The following SORCS3 variants were observed in gnomAD, a reference collection of about 807,000 sequenced individuals.
The protein encoded by SORCS3 is sortilin related VPS10 domain containing receptor 3.
In SORCS3, 57 loss-of-function variants were observed where a neutral mutation model predicts 146.3. The observed-to-expected ratio is 0.39, with a 90% CI of 0.31 to 0.49. SORCS3 has a LOEUF of 0.49. Among genes scored for constraint, SORCS3 ranks in the 20% least tolerant of loss-of-function variants. The pLI is 0.92. For missense variants in SORCS3, 1,341 were observed against 1,575.5 expected, an observed-to-expected ratio of 0.85 and a Z score of 2.52; for synonymous variants, 653 against 618.5, an observed-to-expected ratio of 1.06 and a Z score of -0.83.
At chr10:104,883,646 G>A (rs1321973809) in intron 2 of SORCS3, among the ~76,000 whole-genome samples, 1 of 152,102 alleles carries the variant, frequency 6.6e-6, no homozygotes, top group East Asian at 1.9e-4. Flanking sequence ...GTATCTATGA[G>A]GAATATCTTA....
chr10:104,734,580 C>T (rs2016746961), intron 1 of SORCS3, among the ~76,000 whole-genome samples: 1 of 152,214 alleles, frequency 6.6e-6, no homozygotes, highest in Non-Finnish European at 1.5e-5. Context: ...TATTGTTACT[C>T]AGGCTGTGGG....
chr10:105,135,677 T>C (rs183372802), intron 7 of SORCS3, among the ~76,000 whole-genome samples: 1 of 152,322 alleles, frequency 6.6e-6, no homozygotes, highest in Admixed American at 6.5e-5. Context: ...ACATTTGCAT[T>C]GATAGTTCTT....
At chr10:105,107,405 T>C (rs892684532) in intron 7 of SORCS3, among the ~76,000 whole-genome samples, 1 of 152,024 alleles carries the variant, frequency 6.6e-6, no homozygotes, top group African/African-American at 2.4e-5. Context: ...TATGCTAGAA[T>C]TGTTTCTCGG....
chr10:105,194,968 C>T (rs775177660), intron 14 of SORCS3, among the ~76,000 whole-genome samples: 2 of 152,144 alleles, frequency 1.3e-5, no homozygotes, highest in Non-Finnish European at 2.9e-5. Flanking sequence ...CATTGGAGAA[C>T]CTCTGGTCTA....
At chr10:104,768,986 C>G (rs1330552678) in intron 1 of SORCS3, among the ~76,000 whole-genome samples, 2 of 152,192 alleles carry the variant, frequency 1.3e-5, no homozygotes, top group Non-Finnish European at 1.5e-5. Flanking sequence ...CCAGCACCCT[C>G]TCTGCAGAAT....
At chr10:104,824,041 A>C (rs1376520516) in intron 1 of SORCS3, among the ~76,000 whole-genome samples, 3 of 152,160 alleles carry the variant, frequency 2.0e-5, no homozygotes, top group Non-Finnish European at 4.4e-5. Context: ...GGAAAAGAAA[A>C]ACAACAGATT....
chr10:104,887,721 C>T (rs1270647385), intron 2 of SORCS3, among the ~76,000 whole-genome samples: 2 of 152,136 alleles, frequency 1.3e-5, no homozygotes, highest in East Asian at 3.8e-4. Context: ...GGATTGTTTT[C>T]AGCTACTACC....
chr10:105,257,178 T>G (rs1228912520), intron 25 of SORCS3, among the ~76,000 whole-genome samples: 1 of 152,190 alleles, frequency 6.6e-6, no homozygotes, highest in Admixed American at 6.5e-5. Context: ...AATCAATTTA[T>G]TATCTTCAAG....
intron 3 of SORCS3, among the ~76,000 whole-genome samples, chr10:104,916,503 G>A (rs969394901): frequency 2.0e-5 from 3 of 152,304 alleles, no homozygotes; most frequent in African/African-American, 7.2e-5. Context: ...CTGCTTCTCT[G>A]CTTTCCTCTT....
chr10:105,071,627 A>G (rs1010142984), intron 5 of SORCS3, among the ~76,000 whole-genome samples: 2 of 152,216 alleles, frequency 1.3e-5, no homozygotes, highest in Non-Finnish European at 2.9e-5. Context: ...CATTATAGAG[A>G]AAAGGGTATC....
chr10:104,723,906 T>G (rs2016585752), intron 1 of SORCS3, among the ~76,000 whole-genome samples: 2 of 152,202 alleles, frequency 1.3e-5, no homozygotes, highest in South Asian at 2.1e-4. Flanking sequence ...TACAGCACAC[T>G]GATGGGTCTT....
intron 1 of SORCS3, among the ~76,000 whole-genome samples, chr10:104,675,075 C>T (rs1209511736): frequency 5.9e-5 from 9 of 152,224 alleles, no homozygotes; most frequent in Admixed American, 5.9e-4. Context: ...ATTCTACTCC[C>T]TCCAGCAATG....
In SORCS3 at chr10:105,264,908, T is replaced by A. The variant is rs950871977; in HGVS notation, c.*1534T>A. On this transcript the variant is annotated 3_prime_UTR_variant, in exon 27 of 27. Coordinates refer to ENST00000369701, the MANE Select transcript of SORCS3 (RefSeq NM_014978.3). ...ATATATATGGGAGGAAAGGCCACAT[T>A]TTGTACCTGTTAATTTTTGTGGGAT... The A allele has an allele frequency of 3.9e-5, 6 of 152,628 alleles. No individual in the cohort carries two copies. Among genetic ancestry groups the A allele is most frequent in the African/African-American group, 1.4e-4 (6 of 41,446 alleles). 9.5% of individuals were successfully genotyped at this position (152,628 alleles called of 1,614,324 possible).
At chr10:104,658,286 T>C (rs2015657167) in intron 1 of SORCS3, among the ~76,000 whole-genome samples, 1 of 152,212 alleles carries the variant, frequency 6.6e-6, no homozygotes, top group Non-Finnish European at 1.5e-5. Context: ...ATGTGTTTTT[T>C]TCAGGAGCTG....
chr10:104,666,720 C>T (rs1463087063), intron 1 of SORCS3, among the ~76,000 whole-genome samples: 7 of 152,156 alleles, frequency 4.6e-5, no homozygotes, highest in Admixed American at 2.0e-4. Context: ...ATCCTCCTGC[C>T]TCAGTTTCCC....
At chr10:104,685,166 CAAAT>C (rs765772269) in intron 1 of SORCS3, among the ~76,000 whole-genome samples, 1 of 151,998 alleles carries the variant, frequency 6.6e-6, no homozygotes, top group Admixed American at 6.6e-5. Context: ...GGAATATAGA[CAAAT>C]AAATAGATAG....
chr10:105,242,738 A>C (rs1179816725), intron 20 of SORCS3, among the ~76,000 whole-genome samples: 2 of 104,672 alleles, frequency 1.9e-5, no homozygotes, highest in South Asian at 3.0e-4. Flanking sequence ...ATATATATTT[A>C]TATATTTATA....
At chr10:105,233,697 A>G (rs1200252094) in intron 20 of SORCS3, among the ~76,000 whole-genome samples, 1 of 152,136 alleles carries the variant, frequency 6.6e-6, no homozygotes, top group Non-Finnish European at 1.5e-5. Flanking sequence ...GCTGAGAATG[A>G]TGGTTTCTAG....
intron 1 of SORCS3, among the ~76,000 whole-genome samples, chr10:104,836,100 T>C (rs1242291555): frequency 6.6e-6 from 1 of 152,138 alleles, no homozygotes; most frequent in African/African-American, 2.4e-5. Flanking sequence ...GAGGGCTGGA[T>C]CCAATTGGGC....
Sources: allele counts gnomAD v4.1 joint callset (sites outside exome capture counted in the v4.1 genomes callset), GRCh38; gene constraint gnomAD v4.1.1; transcripts MANE v1.5; gene names NCBI Gene and HGNC (gene_info 2026-07-23, HGNC 2026-07-21).